AGBL4: variants seen among roughly 807,000 people sequenced by gnomAD.
AGBL4 encodes the protein cytosolic carboxypeptidase 6.
A neutral mutation model predicts 66.4 loss-of-function variants in AGBL4; 58 were observed. The observed-to-expected ratio is 0.87, with a 90% CI of 0.71 to 1.09. The LOEUF is 1.09. AGBL4 is among the 50% of genes least tolerant of loss of function. The pLI is 0.00. For synonymous variants in AGBL4, 234 were observed against 222.9 expected (o/e 1.05, Z -0.44); for missense variants, 579 against 631.0 (o/e 0.92, Z 0.88).
At chr1:49,431,767 T>C (rs1280960866) in intron 3 of AGBL4, among the ~76,000 whole-genome samples, 1 of 152,120 alleles carries the variant, frequency 6.6e-6, no homozygotes, top group East Asian at 1.9e-4. Flanking sequence ...GCTATTAAAC[T>C]TATAATAGTA....
chr1:49,350,291 C>T (rs1428394265), intron 3 of AGBL4, among the ~76,000 whole-genome samples: 23 of 150,080 alleles, frequency 1.5e-4, no homozygotes, highest in Admixed American at 1.4e-3. Context: ...GCAAGCTCCG[C>T]CTCCCGGGTT....
chr1:48,627,940 C>T (rs888907055), intron 9 of AGBL4, among the ~76,000 whole-genome samples: 2 of 152,192 alleles, frequency 1.3e-5, no homozygotes. Flanking sequence ...ATTCTTACCT[C>T]GGCTATGGCA....
intron 1 of AGBL4, among the ~76,000 whole-genome samples, chr1:49,998,853 T>C (rs1660547152): frequency 6.6e-6 from 1 of 152,174 alleles, no homozygotes; most frequent in Non-Finnish European, 1.5e-5. Flanking sequence ...TCTCGATAGA[T>C]GCAGAAAAAG....
chr1:49,735,334 T>TGTAG (rs57275876), intron 2 of AGBL4, among the ~76,000 whole-genome samples: 30 of 138,986 alleles, frequency 2.2e-4, no homozygotes, highest in African/African-American at 7.5e-4. Flanking sequence ...TGTGTGTGTG[T>TGTAG]AGAGAGAGAG....
At chr1:48,833,824 C>T (rs115946979) in intron 6 of AGBL4, among the ~76,000 whole-genome samples, 180 of 152,196 alleles carry the variant, frequency 1.2e-3, no homozygotes, top group African/African-American at 4.3e-3. Flanking sequence ...ATAAATGTGC[C>T]CTGTTCCTCA....
At chr1:49,262,137 T>C (rs1653241036) in intron 3 of AGBL4, among the ~76,000 whole-genome samples, 1 of 152,164 alleles carries the variant, frequency 6.6e-6, no homozygotes, top group African/African-American at 2.4e-5. Flanking sequence ...ATACCTTCCT[T>C]ACACCTTATA....
intron 3 of AGBL4, among the ~76,000 whole-genome samples, chr1:49,509,703 C>G (rs1351105962): frequency 2.0e-5 from 3 of 151,870 alleles, no homozygotes; most frequent in African/African-American, 7.2e-5. Flanking sequence ...AGCTAAACTG[C>G]CTTAAATTGA....
intron 5 of AGBL4, among the ~76,000 whole-genome samples, chr1:48,938,947 A>G (rs1037894935): frequency 6.6e-6 from 1 of 152,222 alleles, no homozygotes. Context: ...ATCACATTTA[A>G]TCTTCAAGGA....
intron 6 of AGBL4, among the ~76,000 whole-genome samples, chr1:48,767,214 T>C (rs1404493233): frequency 6.6e-6 from 1 of 152,188 alleles, no homozygotes; most frequent in Non-Finnish European, 1.5e-5. Flanking sequence ...TGGGGTAAGC[T>C]AGTTAACCTG....
chr1:49,422,955 T>C (rs1233681007), intron 3 of AGBL4: 1 of 152,222 alleles, frequency 6.6e-6, no homozygotes, highest in Non-Finnish European at 1.5e-5. Context: ...TTTCTCAGTC[T>C]TCCCTGCAGT....
chr1:48,659,495 T>C (rs1413097195), intron 7 of AGBL4, among the ~76,000 whole-genome samples: 31 of 152,186 alleles, frequency 2.0e-4, no homozygotes, highest in Admixed American at 2.0e-3. Flanking sequence ...GACAAAGTAC[T>C]CTGCAAATGG....
downstream of AGBL4, among the ~76,000 whole-genome samples, chr1:48,530,056 A>G (rs980387601): frequency 5.9e-4 from 90 of 151,670 alleles, 1 homozygote; most frequent in African/African-American, 2.1e-3. Flanking sequence ...AAATGATGCC[A>G]TTGTTTACTT....
chr1:49,522,975 T>C (rs1258186231), intron 3 of AGBL4, among the ~76,000 whole-genome samples: 1 of 151,980 alleles, frequency 6.6e-6, no homozygotes, highest in Non-Finnish European at 1.5e-5. Context: ...GAGAAGGTGG[T>C]AGGGTATATT....
At chr1:49,198,058 C>A (rs1647374797) in intron 4 of AGBL4, among the ~76,000 whole-genome samples, 1 of 152,152 alleles carries the variant, frequency 6.6e-6, no homozygotes, top group East Asian at 2.0e-4. Flanking sequence ...TCACAGTCTT[C>A]TGATTGCTTC....
At chr1:48,670,123 C>T (rs1646253577) in intron 6 of AGBL4, among the ~76,000 whole-genome samples, 1 of 152,192 alleles carries the variant, frequency 6.6e-6, no homozygotes, top group South Asian at 2.1e-4. Flanking sequence ...GCGCTGGGGA[C>T]AGGAGCCTTT....
intron 6 of AGBL4, chr1:48,761,570 C>G: frequency 8.0e-7 from 1 of 1,245,368 alleles, no homozygotes; most frequent in Non-Finnish European, 1.1e-6. Context: ...ATAATTGAGG[C>G]CAGACCAGTT....
chr1:49,494,416 C>A (rs900428013), intron 3 of AGBL4, among the ~76,000 whole-genome samples: 34 of 151,990 alleles, frequency 2.2e-4, no homozygotes, highest in African/African-American at 8.2e-4. Context: ...CCAATGCTAT[C>A]CCTCCCCTCT....
At position 49,341,104 on chromosome 1, in the gene AGBL4, T is replaced by G. The variant is rs1645531183; in HGVS notation, c.283-95240A>C. 2.0e-5 allele frequency among the ~76,000 whole-genome samples: 3 copies of G among 152,310 alleles called. No individual in the cohort carries two copies. In the South Asian group the frequency reaches 6.2e-4, roughly 32 times the overall value. ...TTTCAGGAATGCCCTAATCTATGTA[T>G]TGAGTAGCCATTCTTTTATTCCTTT... On this transcript the variant is annotated intron_variant, in intron 3 of 13. Coordinates refer to ENST00000371839, the MANE Select transcript of AGBL4 (RefSeq NM_032785.4).
At chr1:49,663,953 G>C (rs1221005948) in intron 3 of AGBL4, among the ~76,000 whole-genome samples, 1 of 151,780 alleles carries the variant, frequency 6.6e-6, no homozygotes, top group Non-Finnish European at 1.5e-5. Flanking sequence ...TTGAGAACCA[G>C]AAAACAGAAC....
Sources: allele counts gnomAD v4.1 joint callset (sites outside exome capture counted in the v4.1 genomes callset), GRCh38; gene constraint gnomAD v4.1.1; transcripts MANE v1.5; gene names NCBI Gene and HGNC (gene_info 2026-07-23, HGNC 2026-07-21).